HNRNPA3: variants seen among roughly 807,000 people sequenced by gnomAD.
HNRNPA3 encodes epididymis secretory sperm binding protein.
Under a neutral mutation model 45.8 loss-of-function variants are expected in HNRNPA3, and 3 were observed. The ratio of observed to expected loss-of-function variants is 0.07; its 90% confidence interval spans 0.03 to 0.17. The LOEUF is 0.17. HNRNPA3 is among the 10% of genes least tolerant of loss of function. HNRNPA3 has a pLI of 1.00. For synonymous variants in HNRNPA3, 170 were observed against 155.6 expected (o/e 1.09, Z -0.69); for missense variants, 183 against 480.3 (o/e 0.38, Z 5.79).
At chr2:177,217,842 G>A (rs768895205) in exon 8 of HNRNPA3, 16 of 1,571,834 alleles carry the variant, frequency 1.0e-5, no homozygotes, top group Middle Eastern at 1.7e-4. Flanking sequence ...AAATTTTGGC[G>A]GTGGTAAGCA....
chr2:177,214,969 T>G (rs1688868110), intron 1 of HNRNPA3, among the ~76,000 whole-genome samples: 1 of 152,184 alleles, frequency 6.6e-6, no homozygotes, highest in South Asian at 2.1e-4. Context: ...AATGAAGCGA[T>G]TTTTTGATTC....
At chr2:177,216,037 A>G in exon 4 of HNRNPA3, 1 of 1,577,566 alleles carries the variant, frequency 6.3e-7, no homozygotes, top group Non-Finnish European at 8.6e-7. Flanking sequence ...GTGGTATTAA[A>G]GAAGATACAG....
chr2:177,214,215 T>C (rs1688822253), intron 1 of HNRNPA3, among the ~76,000 whole-genome samples: 1 of 152,264 alleles, frequency 6.6e-6, no homozygotes, highest in Non-Finnish European at 1.5e-5. Flanking sequence ...TTTGTTTTGC[T>C]GTACTCCGTT....
chr2:177,217,621 A>G, intron 7 of HNRNPA3, 84 bp from the exon 8 acceptor site: 1 of 1,536,902 alleles, frequency 6.5e-7, no homozygotes, highest in Non-Finnish European at 9.0e-7. Context: ...AGCAAGACCC[A>G]GTCTCTTACA....
chr2:177,223,778 G>A (rs1363845715), downstream of HNRNPA3: 2 of 152,168 alleles, frequency 1.3e-5, no homozygotes, highest in Non-Finnish European at 2.9e-5. Flanking sequence ...GTTCTGTAAT[G>A]GATTCAGATG....
At chr2:177,217,879 T>C (rs1179465974) in intron 8 of HNRNPA3, 34 bp downstream of exon 8, 1 of 1,519,516 alleles carries the variant, frequency 6.6e-7, no homozygotes. Context: ...AAATGTTAAA[T>C]ATTCAGTGTT....
intron 1 of HNRNPA3, among the ~76,000 whole-genome samples, chr2:177,213,300 A>T (rs2105423138): frequency 6.6e-6 from 1 of 152,270 alleles, no homozygotes; most frequent in Admixed American, 6.5e-5. Flanking sequence ...GAAATGGCGC[A>T]TTGGCCCGCA....
exon 4 of HNRNPA3, chr2:177,216,046 A>G (rs1184105901): frequency 3.2e-6 from 5 of 1,576,110 alleles, no homozygotes; most frequent in African/African-American, 1.4e-5. Context: ...AAGAAGATAC[A>G]GAAGAATATA....
At chr2:177,213,182 G>C (rs967616195) in intron 1 of HNRNPA3, among the ~76,000 whole-genome samples, 4 of 152,102 alleles carry the variant, frequency 2.6e-5, no homozygotes, top group African/African-American at 7.2e-5. Context: ...GCCCCGGCGG[G>C]AGCGGTTGGG....
downstream of HNRNPA3, chr2:177,223,056 T>C (rs1689255585): frequency 6.6e-6 from 1 of 152,472 alleles, no homozygotes; most frequent in Non-Finnish European, 1.5e-5. Context: ...TTTAGTCGGA[T>C]AGTTTACTTA....
intron 1 of HNRNPA3, among the ~76,000 whole-genome samples, chr2:177,214,416 G>A (rs568851263): frequency 5.3e-5 from 8 of 152,188 alleles, no homozygotes; most frequent in African/African-American, 1.9e-4. Context: ...AGGAATGCCT[G>A]TTTTAAATTA....
At chr2:177,214,055 T>C (rs1247281563) in intron 1 of HNRNPA3, among the ~76,000 whole-genome samples, 2 of 152,200 alleles carry the variant, frequency 1.3e-5, no homozygotes, top group African/African-American at 4.8e-5. Context: ...AGGAAGACAT[T>C]AGAATGTAAA....
chr2:177,214,036 A>G (rs1215706355), intron 1 of HNRNPA3, among the ~76,000 whole-genome samples: 2 of 152,228 alleles, frequency 1.3e-5, no homozygotes, highest in Admixed American at 1.3e-4. Flanking sequence ...CTCTACCTCT[A>G]GGAGACACAG....
At chr2:177,219,216 A>T (rs1295022703) in intron 9 of HNRNPA3, 31 bp from the exon 10 acceptor site, 77 of 1,611,314 alleles carry the variant, frequency 4.8e-5, no homozygotes, top group Non-Finnish European at 6.3e-5. Context: ...AAATGTGCAT[A>T]CTTCTTTTAA....
At chr2:177,213,199 T>A (rs966820965) in intron 1 of HNRNPA3, among the ~76,000 whole-genome samples, 1 of 104,264 alleles carries the variant, frequency 9.6e-6, no homozygotes, top group South Asian at 3.4e-4. Context: ...TGGGAGGAGG[T>A]GGTGGGGGAG....
At chr2:177,213,996 A>G (rs962663219) in intron 1 of HNRNPA3, among the ~76,000 whole-genome samples, 1 of 152,260 alleles carries the variant, frequency 6.6e-6, no homozygotes, top group African/African-American at 2.4e-5. Flanking sequence ...CTAGCATGTG[A>G]CAATCTCTTC....
chr2:177,222,380 C>T (rs1689218268), downstream of HNRNPA3: 1 of 152,180 alleles, frequency 6.6e-6, no homozygotes, highest in East Asian at 1.9e-4. Flanking sequence ...TTTTTTGTGT[C>T]TTCAGGGTAA....
rs761571141 is a variant in HNRNPA3, at chr2:177,219,239, A to G, written c.1085-8A>G. On this transcript the variant is annotated splice_region_variant and splice_polypyrimidine_tract_variant and intron_variant, in intron 9 of 10. Coordinates refer to ENST00000392524, the Ensembl canonical transcript of HNRNPA3. The stretch of plus-strand genomic sequence containing the variant: ...ATACTTCTTTTAAAATACTATGTAT[A>G]TTTTCAGGTGGTTATGGATCTGGTG... The G allele has an allele frequency of 1.2e-6, 2 of 1,613,214 alleles. No individual in the cohort carries two copies. Among genetic ancestry groups the G allele is most frequent in the East Asian group, 2.2e-5 (1 of 44,872 alleles).
intron 1 of HNRNPA3, among the ~76,000 whole-genome samples, chr2:177,213,157 A>C (rs1219209104): frequency 2.2e-5 from 3 of 136,856 alleles, no homozygotes; most frequent in Non-Finnish European, 3.1e-5. Context: ...AGCGAGGCCG[A>C]GGGCGGCATG....
Sources: allele counts gnomAD v4.1 joint callset (sites outside exome capture counted in the v4.1 genomes callset), GRCh38; gene constraint gnomAD v4.1.1; transcripts MANE v1.5; gene names NCBI Gene and HGNC (gene_info 2026-07-23, HGNC 2026-07-21).